The following DNAH9 variants were observed in gnomAD, a reference collection of about 807,000 sequenced individuals.
DNAH9 encodes the protein dynein axonemal heavy chain 9.
Under a neutral mutation model 471.6 loss-of-function variants are expected in DNAH9, and 345 were observed. The observed-to-expected ratio is 0.73, with a 90% CI of 0.67 to 0.80. The LOEUF (loss-of-function observed/expected upper bound fraction) is 0.80. DNAH9 is among the 30% of genes least tolerant of loss of function. DNAH9 has a pLI of 0.00. For synonymous variants in DNAH9, 2,093 were observed against 2,123.6 expected, an observed-to-expected ratio of 0.99 and a Z score of 0.40; for missense variants, 5,407 against 5,609.2, an observed-to-expected ratio of 0.96 and a Z score of 1.15.
intron 6 of DNAH9, among the ~76,000 whole-genome samples, chr17:11,621,737 G>A (rs1301815524): frequency 1.3e-5 from 2 of 152,244 alleles, no homozygotes; most frequent in South Asian, 2.1e-4. Context: ...GACGAGATCC[G>A]GGAGGAAAGA....
intron 1 of DNAH9, among the ~76,000 whole-genome samples, chr17:11,603,521 T>A (rs985367820): frequency 6.6e-6 from 1 of 152,192 alleles, no homozygotes; most frequent in South Asian, 2.1e-4. Flanking sequence ...ATGCCAACCC[T>A]AAGGCTGAAA....
intron 32 of DNAH9, among the ~76,000 whole-genome samples, chr17:11,750,318 G>A (rs1398446613): frequency 6.6e-6 from 1 of 151,832 alleles, no homozygotes; most frequent in African/African-American, 2.4e-5. Context: ...CAAATCAACA[G>A]GTTATTTTAG....
intron 41 of DNAH9, among the ~76,000 whole-genome samples, chr17:11,790,879 A>G (rs184543002): frequency 0.011 from 1,649 of 152,202 alleles, 40 homozygotes; most frequent in African/African-American, 0.038. Flanking sequence ...AAATTAGCAT[A>G]TTTATTAATT....
chr17:11,762,770 G>GTTTTTTT lies in DNAH9; in HGVS notation c.6996-649_6996-643dup, dbSNP rs563544881. 1.0e-3 allele frequency among the ~76,000 whole-genome samples: 92 copies of GTTTTTTT among 90,760 alleles called. 5 individuals carry two copies. The highest frequency in any genetic ancestry group is 7.1e-3 in the Middle Eastern group (1 of 140). The allele number at this position is 90,760 out of a possible 152,430, so 59.5% of individuals were successfully genotyped here. A position where few individuals can be genotyped will look rare whatever the true frequency, so the allele number is the denominator to read the frequency against. ...CCTCTTTAGGTGCGTTTTTTTTTTT[G>GTTTTTTT]TTTTTTTTTTTTTTTTTTTTTTTTT... On this transcript the variant is annotated intron_variant, in intron 35 of 68. Transcript: ENST00000262442.
rs138741660 is a variant in DNAH9 at position 11,891,825 on chromosome 17, G to C, written c.11161G>C (p.Glu3721Gln). 2 of 1,613,984 alleles carry C rather than the reference G, an allele frequency of 1.2e-6. No individual in the cohort carries two copies. The highest frequency in any genetic ancestry group is 2.7e-5 in the African/African-American group (2 of 74,898). Residue 3721 changes from glutamate to glutamine, a missense_variant, in exon 58 of 69, where the codon GAA (glutamate) becomes CAA (glutamine). This residue lies in a region of DNAH9 where 4,636 missense variants were observed against 4,900.3 expected (regional missense o/e 0.95). Transcript: ENST00000262442. ...QKAVERAAPD[E>Q]SLRERVANLI... ...GGCTGTGGAGAGGGCTGCTCCTGAC[G>C]AAAGCCTCAGGGAGCGGGTGGCCAA...
intron 12 of DNAH9, among the ~76,000 whole-genome samples, chr17:11,649,183 C>T (rs2073452219): frequency 6.6e-6 from 1 of 151,222 alleles, no homozygotes; most frequent in Non-Finnish European, 1.5e-5. Flanking sequence ...TCTAGAGGGA[C>T]ATGATCAGAA....
chr17:11,636,819 T>G lies in DNAH9; in HGVS notation c.1786+35T>G, dbSNP rs556895264. The G allele has an allele frequency of 3.6e-4, 570 of 1,597,332 alleles. 9 individuals are homozygous for G. In the South Asian group the frequency reaches 6.0e-3, roughly 17 times the overall value. On this transcript the variant is annotated intron_variant, in intron 9 of 68. Transcript: ENST00000262442. ...TTAAAGGGGATTTTGATGGGGACAT[T>G]CTGTTACTGGAAAGAAGCAACTCAT...
At chr17:11,646,166 A>C (rs1243861691) in intron 11 of DNAH9, among the ~76,000 whole-genome samples, 1 of 144,906 alleles carries the variant, frequency 6.9e-6, no homozygotes, top group African/African-American at 2.6e-5. Flanking sequence ...GGTGTGAGCC[A>C]CCACGCCTGG....
intron 27 of DNAH9, among the ~76,000 whole-genome samples, chr17:11,726,230 A>G (rs1404524726): frequency 2.0e-5 from 3 of 152,100 alleles, no homozygotes; most frequent in Non-Finnish European, 4.4e-5. Context: ...AGATCCCCAT[A>G]TCTTCTGACT....
At chr17:11,948,492 C>T (rs558433414) in intron 67 of DNAH9, among the ~76,000 whole-genome samples, 5 of 151,710 alleles carry the variant, frequency 3.3e-5, no homozygotes, top group Non-Finnish European at 7.4e-5. Flanking sequence ...GGCCTCCCAA[C>T]GTGCTGGGAT....
At chr17:11,790,170 TC>T (rs34150342) in intron 41 of DNAH9, among the ~76,000 whole-genome samples, 1 of 152,032 alleles carries the variant, frequency 6.6e-6, no homozygotes, top group Non-Finnish European at 1.5e-5. Context: ...TTATCAACAT[TC>T]CAGTTAAAGC....
At position 11,932,070 on chromosome 17, in the gene DNAH9, T is replaced by C. The variant is rs747922268; in HGVS notation, c.12162T>C (p.Leu4054=). Residue 4054 remains leucine, a synonymous_variant, in exon 64 of 69, where the codon CTT becomes CTC. Transcript: ENST00000262442. This position sits in a 1 kb window ranked among gnomAD's most constrained non-coding sequence, Gnocchi z 4.3. ...AGTTTAAGAGCATCCTCTTTGCTCTTTGTTACTTCCATGCGGTGGTGGCAG... is the reference window on the plus strand; with the variant it reads ...AGTTTAAGAGCATCCTCTTTGCTCTCTGTTACTTCCATGCGGTGGTGGCAG... The part of the protein sequence containing the change: ...ETEFKSILFA[L]CYFHAVVAER... 1.2e-6 allele frequency: 2 copies of C among 1,614,134 alleles called. No homozygotes were observed. Among genetic ancestry groups the C allele is most frequent in the East Asian group, 4.5e-5 (2 of 44,878 alleles).
chr17:11,615,993 A>G (rs1021969306), intron 4 of DNAH9, among the ~76,000 whole-genome samples: 1 of 152,176 alleles, frequency 6.6e-6, no homozygotes, highest in African/African-American at 2.4e-5. Context: ...AAAAAATTCG[A>G]TTCACATACT....
chr17:11,674,035 C>G (rs777914031), intron 17 of DNAH9, among the ~76,000 whole-genome samples: 4 of 152,160 alleles, frequency 2.6e-5, no homozygotes, highest in African/African-American at 4.8e-5. Context: ...TCCAGGTTGA[C>G]AGTATAACAG....
At chr17:11,756,232 G>T (rs1967378896) in intron 33 of DNAH9, among the ~76,000 whole-genome samples, 1 of 150,018 alleles carries the variant, frequency 6.7e-6, no homozygotes, top group Non-Finnish European at 1.5e-5. Context: ...AGCCAAGATT[G>T]TGCCACTGCA....
intron 2 of DNAH9, 47 bp from the exon 3 acceptor site, chr17:11,610,349 G>C (rs1354102990): frequency 6.5e-6 from 10 of 1,545,206 alleles, no homozygotes; most frequent in Admixed American, 3.4e-5. Context: ...CACGCCTCAG[G>C]GTTTTTGTTT....
At chr17:11,705,434 G>A (rs2074683038) in intron 26 of DNAH9, 4 of 438,500 alleles carry the variant, frequency 9.1e-6, no homozygotes, top group South Asian at 4.0e-5. Flanking sequence ...ATACACACCC[G>A]AGTTCTAACA....
chr17:11,902,367 A>C (rs1418944925), intron 59 of DNAH9, among the ~76,000 whole-genome samples: 1 of 152,140 alleles, frequency 6.6e-6, no homozygotes, highest in Non-Finnish European at 1.5e-5. Context: ...GGAAAGGGAG[A>C]AGTCACTAAC....
At chr17:11,618,026 T>G (rs2072781169) in intron 5 of DNAH9, among the ~76,000 whole-genome samples, 1 of 152,186 alleles carries the variant, frequency 6.6e-6, no homozygotes, top group East Asian at 1.9e-4. Flanking sequence ...AGCATACCAC[T>G]TCTGTGCCAG....
Sources: allele counts gnomAD v4.1 joint callset (sites outside exome capture counted in the v4.1 genomes callset), GRCh38; gene constraint gnomAD v4.1.1; regional missense constraint gnomAD v4.1.1; non-coding constraint Gnocchi (gnomAD v3.1); transcripts MANE v1.5; gene names NCBI Gene and HGNC (gene_info 2026-07-23, HGNC 2026-07-21).